The following MAGI2 variants were observed in gnomAD, a reference collection of about 807,000 sequenced individuals.
MAGI2 encodes the protein membrane-associated guanylate kinase, WW and PDZ domain-containing protein 2.
In MAGI2, 35 loss-of-function variants were observed where a neutral mutation model predicts 133.3. The observed-to-expected ratio is 0.26, with a 90% CI of 0.20 to 0.35. MAGI2 has a LOEUF of 0.35. Among genes scored for constraint, MAGI2 ranks in the 10% least tolerant of loss-of-function variants. The pLI is 1.00. For missense variants in MAGI2, 1,636 were observed against 1,863.4 expected, an observed-to-expected ratio of 0.88 and a Z score of 2.25; for synonymous variants, 729 against 710.6, an observed-to-expected ratio of 1.03 and a Z score of -0.41.
intron 10 of MAGI2, among the ~76,000 whole-genome samples, chr7:78,214,319 A>C (rs977971096): frequency 1.3e-5 from 2 of 152,186 alleles, no homozygotes; most frequent in African/African-American, 4.8e-5. Flanking sequence ...TTTCAGTGTC[A>C]TGCTCTTCTA....
At chr7:79,032,634 A>T (rs774143896) in intron 1 of MAGI2, among the ~76,000 whole-genome samples, 2 of 152,110 alleles carry the variant, frequency 1.3e-5, no homozygotes, top group Non-Finnish European at 2.9e-5. Flanking sequence ...TAATTTTTAA[A>T]AATATGTAAA....
intron 1 of MAGI2, among the ~76,000 whole-genome samples, chr7:79,278,734 G>C (rs756122911): frequency 1.3e-5 from 2 of 152,020 alleles, no homozygotes; most frequent in Non-Finnish European, 2.9e-5. Flanking sequence ...ATAGACAGTG[G>C]GCTATGAAGG....
At chr7:78,568,396 G>A (rs1221917019) in intron 3 of MAGI2, 1 of 152,162 alleles carries the variant, frequency 6.6e-6, no homozygotes, top group Non-Finnish European at 1.5e-5. Flanking sequence ...AGCTTTGCAT[G>A]CTCCACCCAG....
At chr7:79,317,683 T>A (rs1389120838) in intron 1 of MAGI2, among the ~76,000 whole-genome samples, 3 of 152,192 alleles carry the variant, frequency 2.0e-5, no homozygotes, top group Admixed American at 1.3e-4. Flanking sequence ...CAAGCTACAT[T>A]TGAAGTGCTC....
intron 1 of MAGI2, among the ~76,000 whole-genome samples, chr7:79,282,173 A>C (rs2129558058): frequency 6.6e-6 from 1 of 152,320 alleles, no homozygotes; most frequent in African/African-American, 2.4e-5. Flanking sequence ...TCGTCTCATT[A>C]AGCAACCCAT....
intron 6 of MAGI2, among the ~76,000 whole-genome samples, chr7:78,438,425 T>C (rs1011481548): frequency 6.6e-6 from 1 of 152,152 alleles, no homozygotes; most frequent in Admixed American, 6.6e-5. Flanking sequence ...AATATATGAA[T>C]CTGGTACGAG....
At chr7:79,167,361 T>C (rs941921838) in intron 1 of MAGI2, among the ~76,000 whole-genome samples, 1 of 142,346 alleles carries the variant, frequency 7.0e-6, no homozygotes, top group African/African-American at 2.7e-5. Context: ...TTTTTCCTTC[T>C]TAATATGAGA....
intron 16 of MAGI2, among the ~76,000 whole-genome samples, chr7:78,158,768 C>T (rs1824654448): frequency 6.6e-6 from 1 of 152,198 alleles, no homozygotes; most frequent in South Asian, 2.1e-4. Context: ...GTAGGACTAA[C>T]AAATTAGCCT....
chr7:79,173,381 A>G (rs942884634), intron 1 of MAGI2, among the ~76,000 whole-genome samples: 4 of 151,994 alleles, frequency 2.6e-5, no homozygotes, highest in African/African-American at 7.2e-5. Flanking sequence ...GCTGGAGTGC[A>G]ATGGCACGAT....
At chr7:78,653,784 A>T (rs1270839632) in intron 2 of MAGI2, among the ~76,000 whole-genome samples, 1 of 152,072 alleles carries the variant, frequency 6.6e-6, no homozygotes, top group Non-Finnish European at 1.5e-5. Flanking sequence ...ATAAAAAAAA[A>T]AAAAAAAACA....
chr7:79,430,763 T>A (rs1325931038), intron 1 of MAGI2, among the ~76,000 whole-genome samples: 2 of 152,212 alleles, frequency 1.3e-5, no homozygotes, highest in African/African-American at 4.8e-5. Flanking sequence ...CAAATATATC[T>A]CCATAGCTTC....
Position 79,213,455 on chromosome 7 carries a change from T to C in MAGI2, c.302-206249A>G, listed in dbSNP as rs1432132054. On this transcript the variant is annotated intron_variant, in intron 1 of 21. Coordinates refer to ENST00000354212, the MANE Select transcript of MAGI2 (RefSeq NM_012301.4). ...AGCCTCAGCCCCCTGGGATGATAAG[T>C]GTGCACCTACGTGCCTGGCTCCTGG... 2.0e-5 allele frequency among the ~76,000 whole-genome samples: 3 copies of C among 152,176 alleles called. No homozygotes were observed. In the East Asian group the frequency reaches 5.8e-4, roughly 29 times the overall value.
chr7:78,650,928 A>T (rs1371026404), intron 2 of MAGI2, among the ~76,000 whole-genome samples: 10 of 152,164 alleles, frequency 6.6e-5, no homozygotes, highest in Non-Finnish European at 1.5e-4. Context: ...TCACACTGCA[A>T]AACAGCTCCT....
At chr7:78,549,358 A>G (rs1171688507) in intron 3 of MAGI2, among the ~76,000 whole-genome samples, 2 of 152,032 alleles carry the variant, frequency 1.3e-5, no homozygotes, top group Non-Finnish European at 2.9e-5. Flanking sequence ...CTTCTTTTGC[A>G]TATTTCCCAA....
intron 2 of MAGI2, among the ~76,000 whole-genome samples, chr7:78,689,865 T>G (rs1816778393): frequency 6.6e-6 from 1 of 152,122 alleles, no homozygotes; most frequent in East Asian, 1.9e-4. Flanking sequence ...CTCTTAGGAT[T>G]AGAGCTGTTA....
chr7:78,302,895 T>C (rs191635601), intron 9 of MAGI2, among the ~76,000 whole-genome samples: 3 of 152,136 alleles, frequency 2.0e-5, no homozygotes, highest in African/African-American at 7.2e-5. Flanking sequence ...TCTTAGCACA[T>C]CCATCTATTC....
chr7:78,384,702 A>G (rs1795223525), intron 6 of MAGI2, among the ~76,000 whole-genome samples: 1 of 151,556 alleles, frequency 6.6e-6, no homozygotes, highest in Admixed American at 6.6e-5. Flanking sequence ...CTAAATATTA[A>G]CATCAATATA....
intron 1 of MAGI2, among the ~76,000 whole-genome samples, chr7:79,074,857 G>C (rs1011031528): frequency 3.3e-5 from 5 of 152,178 alleles, no homozygotes; most frequent in African/African-American, 1.2e-4. Context: ...ACGATATAGA[G>C]ACATCCAACT....
chr7:78,629,578 T>C (rs939497652), intron 2 of MAGI2, among the ~76,000 whole-genome samples: 2 of 152,130 alleles, frequency 1.3e-5, no homozygotes, highest in Admixed American at 1.3e-4. Context: ...TTAACCCCCA[T>C]GTTCACTGTT....
Sources: allele counts gnomAD v4.1 joint callset (sites outside exome capture counted in the v4.1 genomes callset), GRCh38; gene constraint gnomAD v4.1.1; transcripts MANE v1.5; gene names NCBI Gene and HGNC (gene_info 2026-07-23, HGNC 2026-07-21).